Variants in LSP1 observed in about 807,000 individuals in gnomAD.
The protein encoded by LSP1 is lymphocyte specific protein 1.
In LSP1, 32 loss-of-function variants were observed where a neutral mutation model predicts 49.3. That is an observed-to-expected ratio of 0.65 (90% CI 0.49 to 0.87). The LOEUF (loss-of-function observed/expected upper bound fraction) is 0.87. Among genes scored for constraint, LSP1 ranks in the 40% least tolerant of loss-of-function variants. LSP1 has a pLI of 0.00. For synonymous variants in LSP1, 179 were observed against 178.8 expected (o/e 1.00, Z -0.01); for missense variants, 428 against 442.6 (o/e 0.97, Z 0.30).
At chr11:1,869,754 G>A (rs549763825) in intron 1 of LSP1, 1 of 469,656 alleles carries the variant, frequency 2.1e-6, no homozygotes, top group African/African-American at 2.0e-5. Context: ...GCTTGCCAAG[G>A]AGAGGGCGGG....
At chr11:1,860,417 T>C (rs1403751796) in intron 1 of LSP1, among the ~76,000 whole-genome samples, 1 of 151,976 alleles carries the variant, frequency 6.6e-6, no homozygotes. Flanking sequence ...TTGGATGGAC[T>C]CATGTATAAA....
intron 1 of LSP1, among the ~76,000 whole-genome samples, chr11:1,857,059 C>T (rs1847507236): frequency 6.6e-6 from 1 of 152,222 alleles, no homozygotes; most frequent in African/African-American, 2.4e-5. Context: ...TCCCCTTCCT[C>T]CTGCCCTGGG....
In LSP1 at chr11:1,883,423, G is replaced by C. The variant is rs770351321; in HGVS notation, c.361G>C (p.Gly121Arg). The C allele has an allele frequency of 6.2e-7, 1 of 1,613,994 alleles. No homozygotes were observed. The highest frequency in any genetic ancestry group is 2.2e-5 in the East Asian group (1 of 44,884). ...SPEGEQEDRP[G>R]LHAYEKEDSD... is the part of the protein sequence containing the mutation. ...TGCCTCCCTTTCCACCCACAGGCCC[G>C]GCCTGCATGCCTACGAAAAGGAGGA... Residue 121 changes from glycine to arginine, a missense_variant, in exon 4 of 11, where the codon GGC becomes CGC. Gly to Arg is a moderately radical substitution (Grantham distance 125). Coordinates refer to ENST00000311604, the MANE Select transcript of LSP1 (RefSeq NM_002339.3).
chr11:1,889,036 T>C, intron 10 of LSP1: 1 of 576,734 alleles, frequency 1.7e-6, no homozygotes, highest in South Asian at 2.1e-5. Context: ...CCCATGCCCC[T>C]TGGGCCCTGG....
At chr11:1,887,134 G>C in intron 8 of LSP1, 103 bp from the exon 9 acceptor site, 8 of 1,149,286 alleles carry the variant, frequency 7.0e-6, no homozygotes, top group Non-Finnish European at 9.8e-6. Context: ...CAGATCCCAG[G>C]CCCCCTGGCC....
chr11:1,882,522 C>T (rs184926673), intron 3 of LSP1, among the ~76,000 whole-genome samples: 83 of 152,288 alleles, frequency 5.5e-4, no homozygotes, highest in Middle Eastern at 3.4e-3. Flanking sequence ...CAGTCTCCCC[C>T]CTACGTGCTT....
chr11:1,869,861 C>T (rs1847924662), intron 1 of LSP1: 3 of 462,946 alleles, frequency 6.5e-6, no homozygotes, highest in South Asian at 4.7e-5. Context: ...CTGGGACCCC[C>T]TGGGTCAGGA....
At chr11:1,886,379 C>G (rs3781962) in intron 7 of LSP1, among the ~76,000 whole-genome samples, 46,546 of 151,908 alleles carry the variant, frequency 0.31, 8,648 homozygotes, top group East Asian at 0.59. Context: ...CTAATCAATG[C>G]TCCTCCATCC....
chr11:1,879,020 C>A (rs867848188), intron 1 of LSP1, among the ~76,000 whole-genome samples: 1 of 152,130 alleles, frequency 6.6e-6, no homozygotes, highest in Non-Finnish European at 1.5e-5. Flanking sequence ...AGGGCAGAAG[C>A]ACTCCCTTAC....
intron 1 of LSP1, 108 bp from the exon 2 acceptor site, chr11:1,879,979 C>A: frequency 7.3e-7 from 1 of 1,368,840 alleles, no homozygotes; most frequent in Non-Finnish European, 1.0e-6. Flanking sequence ...GTGGACAGGG[C>A]TGCCTGCACC....
intron 1 of LSP1, chr11:1,866,619 C>T (rs1399794061): frequency 6.5e-7 from 1 of 1,550,302 alleles, no homozygotes; most frequent in African/African-American, 1.4e-5. Flanking sequence ...GCCTCCTCCT[C>T]CTGGGCTTCC....
intron 1 of LSP1, among the ~76,000 whole-genome samples, chr11:1,877,199 GC>G (rs1409954687): frequency 1.3e-5 from 2 of 152,120 alleles, no homozygotes; most frequent in African/African-American, 4.8e-5. Flanking sequence ...CAGGAGAGCT[GC>G]CCCCCTTTCA....
intron 1 of LSP1, among the ~76,000 whole-genome samples, chr11:1,856,044 C>T (rs11041487): frequency 0.25 from 37,416 of 152,212 alleles, 5,564 homozygotes; most frequent in Admixed American, 0.33. Flanking sequence ...GCTGCAGTGC[C>T]TGTCCTTGGC....
intron 1 of LSP1, chr11:1,865,305 G>T (rs1038097167): frequency 5.4e-6 from 5 of 928,740 alleles, no homozygotes; most frequent in Non-Finnish European, 6.4e-6. Flanking sequence ...GGCAGGGCAG[G>T]GTGCCCATGC....
intron 7 of LSP1, among the ~76,000 whole-genome samples, chr11:1,885,219 A>G (rs1236810656): frequency 6.6e-6 from 1 of 151,900 alleles, no homozygotes; most frequent in Non-Finnish European, 1.5e-5. Flanking sequence ...CCCTCCATCC[A>G]ACCAATACTC....
chr11:1,885,254 T>A (rs1223270292), intron 7 of LSP1, among the ~76,000 whole-genome samples: 6 of 151,964 alleles, frequency 3.9e-5, no homozygotes, highest in African/African-American at 1.5e-4. Flanking sequence ...TGGCTCACCA[T>A]GTAACCAATG....
intron 8 of LSP1, 98 bp downstream of exon 8, chr11:1,886,964 C>A: frequency 1.4e-6 from 2 of 1,447,276 alleles, no homozygotes; most frequent in Non-Finnish European, 1.9e-6. Context: ...ATGGGACTGT[C>A]CAGGATGAAT....
intron 7 of LSP1, among the ~76,000 whole-genome samples, chr11:1,885,991 C>T (rs1173098011): frequency 6.6e-6 from 1 of 152,088 alleles, no homozygotes; most frequent in Admixed American, 6.5e-5. Flanking sequence ...TTCCTCCATC[C>T]AATTAATGCC....
At chr11:1,877,840 C>T (rs1167939216) in intron 1 of LSP1, among the ~76,000 whole-genome samples, 9 of 151,896 alleles carry the variant, frequency 5.9e-5, no homozygotes, top group African/African-American at 1.4e-4. Context: ...GTCCTGCGCC[C>T]GGCCGCACTC....
Sources: gnomAD v4.1 joint callset for allele counts (sites outside exome capture counted in the v4.1 genomes callset) on GRCh38, gnomAD v4.1.1 for gene constraint, MANE v1.5 for transcripts, NCBI Gene and HGNC (gene_info 2026-07-23, HGNC 2026-07-21) for gene names.